TMC2: variants seen among roughly 807,000 people sequenced by gnomAD.
The protein encoded by TMC2 is transmembrane channel-like protein 2.
A neutral mutation model predicts 105.9 loss-of-function variants in TMC2; 102 were observed. That is an observed-to-expected ratio of 0.96 (90% CI 0.82 to 1.14). The LOEUF is 1.14. TMC2 is among the 50% of genes most tolerant of loss of function. The pLI is 0.00. For synonymous variants in TMC2, 402 were observed against 422.8 expected (o/e 0.95, Z 0.60); for missense variants, 1,093 against 1,134.3 (o/e 0.96, Z 0.52).
chr20:2,599,418 T>G (rs927587641), intron 10 of TMC2, among the ~76,000 whole-genome samples: 1 of 150,126 alleles, frequency 6.7e-6, no homozygotes, highest in Non-Finnish European at 1.5e-5. Context: ...AAAATAACCA[T>G]CCAGCTGGGA....
intron 7 of TMC2, among the ~76,000 whole-genome samples, chr20:2,590,234 A>G (rs940257664): frequency 6.6e-6 from 1 of 152,184 alleles, no homozygotes; most frequent in African/African-American, 2.4e-5. Context: ...TGAGTAAAAT[A>G]TAAGGAAAAA....
chr20:2,557,463 C>T (rs777781435), intron 2 of TMC2, among the ~76,000 whole-genome samples: 58 of 152,136 alleles, frequency 3.8e-4, no homozygotes, highest in Non-Finnish European at 7.1e-4. Flanking sequence ...GATTACATTA[C>T]TCATCTGTTC....
At chr20:2,625,873 C>T (rs550965034) in intron 17 of TMC2, among the ~76,000 whole-genome samples, 57 of 152,144 alleles carry the variant, frequency 3.7e-4, no homozygotes, top group Non-Finnish European at 6.8e-4. Flanking sequence ...TCCAACTCTC[C>T]GGTGAAATTC....
rs911975361 is a variant in TMC2, at chr20:2,558,669, G to A, written c.296G>A (p.Arg99Lys). The A allele has an allele frequency of 1.9e-6, 3 of 1,594,198 alleles. No homozygotes were observed. The highest frequency in any genetic ancestry group is 2.7e-5 in the African/African-American group (2 of 74,610). Residue 99 changes from arginine to lysine, a missense_variant, in exon 3 of 20, where the codon AGA becomes AAA. Coordinates refer to ENST00000358864, the MANE Select transcript of TMC2 (RefSeq NM_080751.3). This position sits in a 1 kb window ranked among gnomAD's most constrained non-coding sequence, Gnocchi z 4.6. ...GCAGAGAGGACCTGCGAGGGCAGGA[G>A]AAAGCGCGACGAGAGGGCCTCCTTC... ...GEAERTCEGRRKRDERASFQE... is the reference protein window; with the variant it reads ...GEAERTCEGRKKRDERASFQE...
chr20:2,636,043 A>G, intron 18 of TMC2, 39 bp downstream of exon 18: 1 of 1,582,630 alleles, frequency 6.3e-7, no homozygotes. Flanking sequence ...CGGTAAAAAG[A>G]GATCATGTTT....
intron 2 of TMC2, among the ~76,000 whole-genome samples, chr20:2,541,266 C>T (rs1213882696): frequency 3.3e-5 from 5 of 152,152 alleles, no homozygotes; most frequent in Non-Finnish European, 7.3e-5. Flanking sequence ...TAGGTTATTT[C>T]CCATTTTTAT....
chr20:2,641,449 C>A lies in TMC2; in HGVS notation c.*98C>A. The A allele has an allele frequency of 1.4e-6, 1 of 704,284 alleles. No homozygotes were observed. Among genetic ancestry groups the A allele is most frequent in the Non-Finnish European group, 2.4e-6 (1 of 412,606 alleles). The allele number at this position is 704,284 out of a possible 1,614,324, so 43.6% of individuals were successfully genotyped here. A position where few individuals can be genotyped will look rare whatever the true frequency, so the allele number is the denominator to read the frequency against. On this transcript the variant is annotated 3_prime_UTR_variant, in exon 20 of 20. Transcript: ENST00000358864. Reference sequence around the variant, plus strand: ...AGGTTCTCTCCCCTCTTTCCTCTCACATACATGCTCTGTCTCCTCTCTTGG... The same window carrying A: ...AGGTTCTCTCCCCTCTTTCCTCTCAAATACATGCTCTGTCTCCTCTCTTGG...
intron 2 of TMC2, among the ~76,000 whole-genome samples, chr20:2,548,564 G>A (rs1018795318): frequency 2.0e-5 from 3 of 151,894 alleles, no homozygotes; most frequent in African/African-American, 4.8e-5. Flanking sequence ...CTTGAACCCA[G>A]GAGGCGGAGG....
At chr20:2,631,778 A>G (rs571361884) in intron 17 of TMC2, among the ~76,000 whole-genome samples, 1 of 147,020 alleles carries the variant, frequency 6.8e-6, no homozygotes, top group Non-Finnish European at 1.5e-5. Context: ...GAATTTGTTG[A>G]GCTTCCTGTG....
chr20:2,628,873 C>T (rs529090234), intron 17 of TMC2, among the ~76,000 whole-genome samples: 2 of 152,250 alleles, frequency 1.3e-5, no homozygotes, highest in Non-Finnish European at 2.9e-5. Flanking sequence ...GAGGCCGAGG[C>T]GGGCAGATCA....
At chr20:2,556,006 T>A (rs562267653) in intron 2 of TMC2, among the ~76,000 whole-genome samples, 1 of 152,364 alleles carries the variant, frequency 6.6e-6, no homozygotes, top group African/African-American at 2.4e-5. Context: ...TTATCCAACA[T>A]ATTGTTGCTA....
rs766757010 is a variant in TMC2 at position 2,602,385 on chromosome 20, A to G, written c.1413+84A>G. 3.7e-4 allele frequency: 389 copies of G among 1,063,718 alleles called. 1 individual carries two copies. The highest frequency in any genetic ancestry group is 2.8e-3 in the Middle Eastern group (13 of 4,634). The allele number at this position is 1,063,718 out of a possible 1,614,324, so 65.9% of individuals were successfully genotyped here. ...CCTATGCCATTCATTTCATTTATCG[A>G]AAGTCTGGATTATAGGCTTGTTTTA... On this transcript the variant is annotated intron_variant, in intron 11 of 19. Transcript: ENST00000358864.
chr20:2,639,191 G>A (rs948456372), intron 19 of TMC2, among the ~76,000 whole-genome samples: 9 of 152,282 alleles, frequency 5.9e-5, no homozygotes, highest in Non-Finnish European at 1.0e-4. Flanking sequence ...CACCGCGTCC[G>A]GCCTAGAAAA....
rs200672652 is a variant in TMC2 at position 2,572,176 on chromosome 20, C to A, written c.555-3C>A. ...TCCTGCTTTTTTTTTTTTTTCTAAG[C>A]AGGGAGGCCCAGGAATTTGTGGAGA... On this transcript the variant is annotated splice_polypyrimidine_tract_variant and splice_region_variant and intron_variant, in intron 4 of 19. Transcript: ENST00000358864. 15 of 1,598,914 alleles carry A rather than the reference C, an allele frequency of 9.4e-6. No individual in the cohort carries two copies. In the East Asian group the frequency reaches 2.9e-4, roughly 31 times the overall value.
chr20:2,597,512 C>T (rs558068496), intron 10 of TMC2, among the ~76,000 whole-genome samples: 82 of 152,120 alleles, frequency 5.4e-4, no homozygotes, highest in Non-Finnish European at 1.0e-3. Context: ...TTTGAGACAG[C>T]ATCTCTCTCC....
Position 2,628,868 on chromosome 20 carries a change from C to T in TMC2, c.2306+4472C>T, listed in dbSNP as rs562009269. ...CTGTAATCCCAGCACTTTGGGAGGC[C>T]GAGGCGGGCAGATCACGAGGTCAGG... On this transcript the variant is annotated intron_variant, in intron 17 of 19. Transcript: ENST00000358864. Among the ~76,000 whole-genome samples, 43 of 152,188 alleles carry T rather than the reference C, an allele frequency of 2.8e-4. No individual in the cohort carries two copies. In the East Asian group the frequency reaches 4.6e-3, roughly 16 times the overall value.
intron 2 of TMC2, among the ~76,000 whole-genome samples, chr20:2,549,467 G>T (rs769469681): frequency 6.6e-6 from 1 of 152,122 alleles, no homozygotes; most frequent in African/African-American, 2.4e-5. Flanking sequence ...TTCCAGCCAG[G>T]CATGGTTGCT....
rs143681537 is a variant in TMC2 at position 2,640,760 on chromosome 20, A to C, written c.2504-374A>C. ...GGAAACAAGTTAATGAAGGATTGGAAAGTAGATCTGATTCCAAACAATTCC... is the reference window on the plus strand; with the variant it reads ...GGAAACAAGTTAATGAAGGATTGGACAGTAGATCTGATTCCAAACAATTCC... On this transcript the variant is annotated intron_variant, in intron 19 of 19. Coordinates refer to ENST00000358864, the MANE Select transcript of TMC2 (RefSeq NM_080751.3). Among the ~76,000 whole-genome samples, 166 of 152,322 alleles carry C rather than the reference A, an allele frequency of 1.1e-3. 1 individual carries two copies. The highest frequency in any genetic ancestry group is 8.6e-3 in the Admixed American group (132 of 15,298).
At chr20:2,545,760 C>T (rs6076262) in intron 2 of TMC2, among the ~76,000 whole-genome samples, 164 of 121,042 alleles carry the variant, frequency 1.4e-3, no homozygotes, top group Non-Finnish European at 2.0e-3. Context: ...AAGAAGAAGA[C>T]GAGGAAGAAG....
Sources: gnomAD v4.1 joint callset for allele counts (sites outside exome capture counted in the v4.1 genomes callset) on GRCh38, gnomAD v4.1.1 for gene constraint, Gnocchi (gnomAD v3.1) non-coding constraint, MANE v1.5 for transcripts, NCBI Gene and HGNC (gene_info 2026-07-23, HGNC 2026-07-21) for gene names.